SAP30BP: variants seen among roughly 807,000 people sequenced by gnomAD.
SAP30BP encodes SAP30 binding protein.
Under a neutral mutation model 46.3 loss-of-function variants are expected in SAP30BP, and 31 were observed. The observed-to-expected ratio is 0.67, with a 90% CI of 0.50 to 0.90. The LOEUF (loss-of-function observed/expected upper bound fraction) is 0.90, where lower values mean the gene tolerates loss of function less well. Ranked by LOEUF, SAP30BP falls within the 40% of genes least tolerant of loss-of-function variation. The probability of loss-of-function intolerance (pLI) is 0.00; values close to 1 mark genes in which losing one functional copy is unlikely to be tolerated. For missense variants in SAP30BP, 312 were observed against 391.0 expected, an observed-to-expected ratio of 0.80 and a Z score of 1.70; for synonymous variants, 169 against 144.2, an observed-to-expected ratio of 1.17 and a Z score of -1.23.
chr17:75,674,966 G>A (rs910866510), intron 3 of SAP30BP, among the ~76,000 whole-genome samples: 3 of 151,922 alleles, frequency 2.0e-5, no homozygotes, highest in East Asian at 3.9e-4. Context: ...GCTTCCCAAA[G>A]GGCTGGGATT....
chr17:75,674,669 G>A (rs1300698995), intron 3 of SAP30BP, among the ~76,000 whole-genome samples: 3 of 141,756 alleles, frequency 2.1e-5, no homozygotes, highest in Non-Finnish European at 4.6e-5. Context: ...TCTGCTTTAA[G>A]CATATGAAGT....
intron 3 of SAP30BP, among the ~76,000 whole-genome samples, chr17:75,678,184 T>C (rs1568303276): frequency 1.3e-5 from 2 of 152,034 alleles, no homozygotes; most frequent in Non-Finnish European, 2.9e-5. Context: ...CATAATAAAA[T>C]CTGTCTCATT....
intron 1 of SAP30BP, 99 bp downstream of exon 1, chr17:75,667,577 A>G (rs1199975538): frequency 1.8e-6 from 2 of 1,093,916 alleles, no homozygotes; most frequent in Non-Finnish European, 1.4e-6. Flanking sequence ...ATTGTGCTCC[A>G]AGCACCGGAC....
intron 2 of SAP30BP, 99 bp from the exon 3 acceptor site, chr17:75,671,717 C>G (rs1420275551): frequency 2.3e-6 from 2 of 877,420 alleles, no homozygotes; most frequent in Admixed American, 3.5e-5. Flanking sequence ...ATGACCCCAG[C>G]TGGGTAAATG....
rs1442727871 is a variant in SAP30BP, at chr17:75,707,993, G to GT, written c.*1473dup. 1 of 152,188 alleles carries GT rather than the reference G, an allele frequency of 6.6e-6. No homozygotes were observed. The highest frequency in any genetic ancestry group is 2.4e-5 in the African/African-American group (1 of 41,440). The allele number at this position is 152,188 out of a possible 1,614,324, so 9.4% of individuals were successfully genotyped here. On this transcript the variant is annotated 3_prime_UTR_variant, in exon 11 of 11. Coordinates refer to ENST00000584667, the MANE Select transcript of SAP30BP (RefSeq NM_013260.8). ...TCTGAAATCACAGTAATAAAGCGTC[G>GT]TAAGATGGTTGGGAAGAACCAGAGG... is the stretch of plus-strand genomic sequence containing the variant.
chr17:75,684,394 T>C (rs889631069), intron 3 of SAP30BP: 1 of 152,260 alleles, frequency 6.6e-6, no homozygotes. Context: ...CCTGCCCCTG[T>C]GTTCTATCTC....
chr17:75,688,242 G>A (rs574152735), intron 3 of SAP30BP, among the ~76,000 whole-genome samples: 1 of 152,320 alleles, frequency 6.6e-6, no homozygotes, highest in African/African-American at 2.4e-5. Context: ...AGGCTCGTGG[G>A]CCACAGTGAG....
chr17:75,705,980 T>C (rs750497163), intron 9 of SAP30BP, 28 bp from the exon 10 acceptor site: 2 of 1,610,620 alleles, frequency 1.2e-6, no homozygotes, highest in Admixed American at 3.3e-5. Context: ...CTTTGCCTGG[T>C]CTTATTCTCT....
At chr17:75,703,058 C>G in intron 6 of SAP30BP, 1 of 529,312 alleles carries the variant, frequency 1.9e-6, no homozygotes, top group Non-Finnish European at 3.4e-6. Flanking sequence ...TGTGGTAAGC[C>G]CAATCCAGCT....
chr17:75,702,259 C>T (rs542909826), intron 5 of SAP30BP, among the ~76,000 whole-genome samples: 2 of 152,232 alleles, frequency 1.3e-5, no homozygotes, highest in South Asian at 2.1e-4. Context: ...CTCTGGACCT[C>T]GTGATCCACC....
intron 3 of SAP30BP, among the ~76,000 whole-genome samples, chr17:75,678,259 G>C (rs1317145986): frequency 6.6e-6 from 1 of 152,054 alleles, no homozygotes; most frequent in African/African-American, 2.4e-5. Flanking sequence ...GGGGATCCCA[G>C]GACCCCCTCC....
intron 3 of SAP30BP, 117 bp from the exon 4 acceptor site, chr17:75,693,323 G>C: frequency 1.2e-6 from 1 of 826,934 alleles, no homozygotes; most frequent in Non-Finnish European, 2.0e-6. Flanking sequence ...TACCCTTAGT[G>C]TTCCTGGCAG....
rs139608518 is a variant in SAP30BP at position 75,693,478 on chromosome 17, C to T, written c.303C>T (p.Leu101=). The part of the protein sequence containing the change: ...TEAEKRDPQE[L]VASFSERVRN... Reference sequence around the variant, plus strand: ...CAGAAAAGCGAGACCCCCAGGAACTCGTGGGTGAGTATTGGGGGATCCTGG... The same window carrying T: ...CAGAAAAGCGAGACCCCCAGGAACTTGTGGGTGAGTATTGGGGGATCCTGG... Residue 101 remains leucine (L), a synonymous_variant, in exon 4 of 11, where the codon CTC becomes CTT. Transcript: ENST00000584667. 8.7e-6 allele frequency: 14 copies of T among 1,613,730 alleles called. No individual in the cohort carries two copies. Among genetic ancestry groups the T allele is most frequent in the Middle Eastern group, 1.6e-4 (1 of 6,074 alleles).
intron 3 of SAP30BP, chr17:75,672,274 A>G (rs1050441374): frequency 2.1e-5 from 4 of 188,496 alleles, no homozygotes; most frequent in Admixed American, 1.1e-4. Context: ...ACAAGAGGCT[A>G]TAAGAAGGTC....
chr17:75,681,375 T>C (rs1426331364), intron 3 of SAP30BP, among the ~76,000 whole-genome samples: 2 of 152,184 alleles, frequency 1.3e-5, no homozygotes, highest in African/African-American at 4.8e-5. Flanking sequence ...CAGTGGCTAT[T>C]CATACCCATC....
rs2060512702 is a variant in SAP30BP, at chr17:75,707,324, G to GCTC, written c.*803_*804insCTC. ...TACAGGCAAGCCCTGCTCCTGGGAG[G>GCTC]GCTCCTGCCACCCCACCCTTCCTCT... On this transcript the variant is annotated 3_prime_UTR_variant, in exon 11 of 11. Transcript: ENST00000584667. The GCTC allele has an allele frequency of 6.6e-6, 1 of 152,630 alleles. No individual in the cohort carries two copies. Among genetic ancestry groups the GCTC allele is most frequent in the Admixed American group, 6.5e-5 (1 of 15,276 alleles). The allele number at this position is 152,630 out of a possible 1,614,324, so 9.5% of individuals were successfully genotyped here. A position where few individuals can be genotyped will look rare whatever the true frequency, so the allele number is the denominator to read the frequency against.
chr17:75,706,841 A>C lies in SAP30BP; in HGVS notation c.*320A>C. The stretch of plus-strand genomic sequence containing the variant: ...CAGCTCACATGTCCCCCAAGACTCA[A>C]TAGTCTTGGTTGGGACTATTGCCTC... On this transcript the variant is annotated 3_prime_UTR_variant, in exon 11 of 11. Transcript: ENST00000584667. This position sits in a 1 kb window ranked among gnomAD's most constrained non-coding sequence, Gnocchi z 4.6. 2.8e-6 allele frequency: 1 copy of C among 358,736 alleles called. No homozygotes were observed. Among genetic ancestry groups the C allele is most frequent in the Non-Finnish European group, 5.2e-6 (1 of 193,770 alleles). The allele number at this position is 358,736 out of a possible 1,614,324, so 22.2% of individuals were successfully genotyped here.
chr17:75,704,898 C>A, intron 9 of SAP30BP, 84 bp downstream of exon 9: 1 of 1,084,332 alleles, frequency 9.2e-7, no homozygotes, highest in Non-Finnish European at 1.4e-6. Flanking sequence ...GGTGTCCAGG[C>A]TGCCCCCAAC....
intron 3 of SAP30BP, among the ~76,000 whole-genome samples, chr17:75,683,172 T>C (rs2060109881): frequency 6.7e-6 from 1 of 149,826 alleles, no homozygotes; most frequent in Admixed American, 6.7e-5. Context: ...GCCTCCCCAA[T>C]AGCTGGGACT....
Sources: gnomAD v4.1 joint callset for allele counts (sites outside exome capture counted in the v4.1 genomes callset) on GRCh38, gnomAD v4.1.1 for gene constraint, Gnocchi (gnomAD v3.1) non-coding constraint, MANE v1.5 for transcripts, NCBI Gene and HGNC (gene_info 2026-07-23, HGNC 2026-07-21) for gene names.